Variants in EFCAB8 observed in about 807,000 individuals in gnomAD.
The protein encoded by EFCAB8 is EF-hand calcium binding domain 8.
Under a neutral mutation model 116.3 loss-of-function variants are expected in EFCAB8, and 100 were observed. The observed-to-expected ratio is 0.86, with a 90% CI of 0.73 to 1.02. EFCAB8 has a LOEUF of 1.02. Ranked by LOEUF, EFCAB8 falls within the 50% of genes least tolerant of loss-of-function variation. The probability of loss-of-function intolerance (pLI) is 0.00; values close to 1 mark genes in which losing one functional copy is unlikely to be tolerated. For synonymous variants in EFCAB8, 558 were observed against 567.9 expected (o/e 0.98, Z 0.25); for missense variants, 1,320 against 1,416.9 (o/e 0.93, Z 1.10).
At chr20:32,930,347 T>C in intron 20 of EFCAB8, 51 bp from the exon 21 acceptor site, 1 of 1,489,050 alleles carries the variant, frequency 6.7e-7, no homozygotes, top group Non-Finnish European at 9.1e-7. Flanking sequence ...CTCAGCACCA[T>C]GTGACAGTGG....
chr20:32,871,775 G>T (rs1272738215), intron 3 of EFCAB8, among the ~76,000 whole-genome samples: 1 of 152,114 alleles, frequency 6.6e-6, no homozygotes, highest in Non-Finnish European at 1.5e-5. Flanking sequence ...GAGGGAAGAG[G>T]GGACATGCCA....
chr20:32,864,619 A>T (rs887018254), intron 2 of EFCAB8, among the ~76,000 whole-genome samples: 1 of 152,088 alleles, frequency 6.6e-6, no homozygotes, highest in African/African-American at 2.4e-5. Flanking sequence ...AGTCAAATGC[A>T]ACACACCCGA....
At position 32,918,423 on chromosome 20, in the gene EFCAB8, G is replaced by A. The variant is rs376108743; in HGVS notation, c.2123G>A (p.Arg708Gln). The change falls in exon 19 of 27, where the codon CGG (arginine) becomes CAG (glutamine). Residue 708 changes from arginine (R) to glutamine (Q), a missense_variant. Coordinates refer to ENST00000400522, the MANE Select transcript of EFCAB8 (RefSeq NM_001143967.2). ...SHRPSRPYVE[R>Q]EKWTYKTSRK... ...AGGCCCAGCAGACCCTATGTGGAGC[G>A]GGAGAAGTGGACATACAAGACCTCC... 2.2e-5 allele frequency: 34 copies of A among 1,551,616 alleles called. No individual in the cohort carries two copies. The highest frequency in any genetic ancestry group is 2.8e-5 in the Non-Finnish European group (32 of 1,147,004).
intron 11 of EFCAB8, among the ~76,000 whole-genome samples, chr20:32,900,999 G>A (rs984098498): frequency 6.6e-6 from 1 of 152,232 alleles, no homozygotes; most frequent in African/African-American, 2.4e-5. Context: ...ACCGCGCCCG[G>A]CCGTCCAGTG....
At chr20:32,919,103 G>A (rs957709826) in intron 19 of EFCAB8, among the ~76,000 whole-genome samples, 1 of 152,220 alleles carries the variant, frequency 6.6e-6, no homozygotes, top group African/African-American at 2.4e-5. Flanking sequence ...TAGGGAGAAA[G>A]AGCAGGAGGA....
chr20:32,917,819 G>A (rs1234409419), intron 18 of EFCAB8, among the ~76,000 whole-genome samples: 1 of 152,176 alleles, frequency 6.6e-6, no homozygotes, highest in Non-Finnish European at 1.5e-5. Flanking sequence ...TAGATTACTC[G>A]CTCCTTTCCC....
At chr20:32,890,968 GC>G (rs1317727682) in intron 7 of EFCAB8, among the ~76,000 whole-genome samples, 2 of 152,248 alleles carry the variant, frequency 1.3e-5, no homozygotes, top group Admixed American at 1.3e-4. Context: ...AAAGTGGTCA[GC>G]CGTCAGCAAG....
rs539263012 is a variant in EFCAB8 at position 32,906,856 on chromosome 20, C to T, written c.1170C>T (p.Tyr390=). ...PDRNFLVTGG[Y]DAFIRLWNPF... The stretch of plus-strand genomic sequence containing the variant: ...TCTTGACCACAGTGACTGGTGGCTA[C>T]GATGCCTTCATCCGCCTGTGGAACC... The change falls in exon 13 of 27, where the codon TAC becomes TAT. Residue 390 remains tyrosine, a synonymous_variant. Transcript: ENST00000400522. 48 of 1,495,888 alleles carry T rather than the reference C, an allele frequency of 3.2e-5. No individual in the cohort carries two copies. The highest frequency in any genetic ancestry group is 2.6e-4 in the African/African-American group (19 of 72,006). The allele number at this position is 1,495,888 out of a possible 1,614,324, so 92.7% of individuals were successfully genotyped here.
chr20:32,895,472 G>A (rs1393804475), intron 9 of EFCAB8, among the ~76,000 whole-genome samples: 1 of 150,986 alleles, frequency 6.6e-6, no homozygotes, highest in South Asian at 2.1e-4. Context: ...CCACAGGCAC[G>A]CCACCACCAC....
In EFCAB8 at chr20:32,896,713, G is replaced by T. The variant is rs566015233; in HGVS notation, c.957+186G>T. Among the ~76,000 whole-genome samples, 17 of 152,282 alleles carry T rather than the reference G, an allele frequency of 1.1e-4. No individual in the cohort carries two copies. The South Asian group carries it at 2.1e-3, about 19-fold the overall frequency. ...TCTATCTGCAGACCACATCTCTGTG[G>T]CCATGCCCCTCTCACTACCGCCATT... On this transcript the variant is annotated intron_variant, in intron 10 of 26. Coordinates refer to ENST00000400522, the MANE Select transcript of EFCAB8 (RefSeq NM_001143967.2).
At chr20:32,957,238 G>A (rs1988997071) in intron 23 of EFCAB8, among the ~76,000 whole-genome samples, 1 of 150,562 alleles carries the variant, frequency 6.6e-6, no homozygotes, top group Non-Finnish European at 1.5e-5. Flanking sequence ...TCTTCTGGAG[G>A]GCCCACTTCT....
At chr20:32,933,034 A>G (rs145991510) in intron 22 of EFCAB8, among the ~76,000 whole-genome samples, 206 of 152,334 alleles carry the variant, frequency 1.4e-3, no homozygotes, top group African/African-American at 4.8e-3. Context: ...ACTGCTTGCA[A>G]TGTTCCAGGG....
Position 32,920,149 on chromosome 20 carries a change from G to A in EFCAB8, c.2346G>A (p.Glu782=). 1.3e-6 allele frequency: 2 copies of A among 1,551,706 alleles called. No individual in the cohort carries two copies. The highest frequency in any genetic ancestry group is 8.7e-7 in the Non-Finnish European group (1 of 1,146,994). Residue 782 remains glutamate, a synonymous_variant, in exon 20 of 27, where the codon GAG becomes GAA. Coordinates refer to ENST00000400522, the MANE Select transcript of EFCAB8 (RefSeq NM_001143967.2). ...KIHSKQSIYK[E]DETRKGEWQK... ...ACAGCAAACAGTCCATTTACAAAGAGGATGAAACGAGAAAAGGAGAATGGC... is the reference window on the plus strand; with the variant it reads ...ACAGCAAACAGTCCATTTACAAAGAAGATGAAACGAGAAAAGGAGAATGGC...
intron 11 of EFCAB8, 67 bp from the exon 12 acceptor site, chr20:32,906,495 C>T: frequency 1.4e-6 from 1 of 715,342 alleles, no homozygotes; most frequent in Non-Finnish European, 2.6e-6. Flanking sequence ...ACCCCAGGCT[C>T]AGTCTCAGAC....
intron 22 of EFCAB8, 23 bp downstream of exon 22, chr20:32,931,359 G>T: frequency 2.6e-6 from 4 of 1,512,108 alleles, no homozygotes; most frequent in Non-Finnish European, 3.5e-6. Context: ...CTGGAGAGTT[G>T]CTCAGGAAAG....
Position 32,938,053 on chromosome 20 carries a change from AC to A in EFCAB8, c.2791-5582del, listed in dbSNP as rs1398572733. On this transcript the variant is annotated intron_variant, in intron 22 of 26. Coordinates refer to ENST00000400522, the MANE Select transcript of EFCAB8 (RefSeq NM_001143967.2). ...ACCAAATATTTTTATGAATATAGAT[AC>A]AAAAATCTTCAAAATACTAGCAAAT... Among the ~76,000 whole-genome samples, 8 of 150,334 alleles carry A rather than the reference AC, an allele frequency of 5.3e-5. No homozygotes were observed. The Middle Eastern group carries it at 0.014, about 257-fold the overall frequency.
intron 11 of EFCAB8, among the ~76,000 whole-genome samples, chr20:32,899,353 C>T (rs1164006581): frequency 1.4e-4 from 20 of 144,284 alleles, no homozygotes; most frequent in African/African-American, 4.7e-4. Flanking sequence ...TGCAGTGAGC[C>T]GAGATTGCGC....
intron 13 of EFCAB8, 169 bp downstream of exon 13, chr20:32,907,163 C>A: frequency 1.0e-6 from 1 of 979,926 alleles, no homozygotes; most frequent in Non-Finnish European, 1.2e-6. Flanking sequence ...AGCATGTCCC[C>A]AGAGCTGGGT....
At chr20:32,866,669 G>A (rs1287288869) in intron 2 of EFCAB8, among the ~76,000 whole-genome samples, 1 of 152,016 alleles carries the variant, frequency 6.6e-6, no homozygotes, top group Non-Finnish European at 1.5e-5. Context: ...GGGACATCTG[G>A]GCTGGTCAGG....
Sources: allele counts gnomAD v4.1 joint callset (sites outside exome capture counted in the v4.1 genomes callset), GRCh38; gene constraint gnomAD v4.1.1; transcripts MANE v1.5; gene names NCBI Gene and HGNC (gene_info 2026-07-23, HGNC 2026-07-21).